Variants in RHCE observed in about 807,000 individuals in gnomAD.
RHCE encodes Rh blood group CcEe antigens.
A neutral mutation model predicts 43.8 loss-of-function variants in RHCE; 22 were observed. That is an observed-to-expected ratio of 0.50 (90% CI 0.36 to 0.72). The LOEUF (loss-of-function observed/expected upper bound fraction) is 0.72, where lower values mean the gene tolerates loss of function less well. Ranked by LOEUF, RHCE falls within the 30% of genes least tolerant of loss-of-function variation. The pLI, the probability that RHCE is intolerant of heterozygous loss-of-function variation, is 0.00. For synonymous variants in RHCE, 156 were observed against 210.7 expected (o/e 0.74, Z 2.25); for missense variants, 385 against 525.4 (o/e 0.73, Z 2.61).
chr1:25,415,109 C>G (rs1328527110), intron 1 of RHCE, among the ~76,000 whole-genome samples: 1 of 152,116 alleles, frequency 6.6e-6, no homozygotes, highest in Non-Finnish European at 1.5e-5. Context: ...CCTCTCTATG[C>G]CAAATCATAC....
intron 1 of RHCE, among the ~76,000 whole-genome samples, chr1:25,418,652 T>A (rs2042670663): frequency 1.3e-5 from 2 of 152,204 alleles, no homozygotes; most frequent in South Asian, 4.1e-4. Flanking sequence ...AAGCCCAAGC[T>A]CAGTCTGCTC....
intron 7 of RHCE, among the ~76,000 whole-genome samples, chr1:25,385,317 C>G (rs1646119353): frequency 6.6e-6 from 1 of 152,204 alleles, no homozygotes. Flanking sequence ...TACAAGGGGG[C>G]GACTGAGGCT....
chr1:25,392,169 A>G (rs756120130), intron 3 of RHCE, 28 bp from the exon 4 acceptor site: 8 of 1,613,998 alleles, frequency 5.0e-6, no homozygotes, highest in Non-Finnish European at 6.8e-6. Context: ...AAGAGCAGTG[A>G]GTGTCGGCAT....
At chr1:25,377,594 C>A (rs1183565498) in intron 7 of RHCE, among the ~76,000 whole-genome samples, 1 of 151,582 alleles carries the variant, frequency 6.6e-6, no homozygotes, top group Non-Finnish European at 1.5e-5. Flanking sequence ...CAAAAGACAC[C>A]ATTAAGAAAG....
upstream of RHCE, among the ~76,000 whole-genome samples, chr1:25,422,000 G>C (rs1371631310): frequency 3.9e-5 from 6 of 152,144 alleles, no homozygotes; most frequent in East Asian, 5.8e-4. Flanking sequence ...CCTGTCACTA[G>C]AGGAATGCAG....
chr1:25,414,835 G>T (rs939065300), intron 1 of RHCE, among the ~76,000 whole-genome samples: 3 of 152,144 alleles, frequency 2.0e-5, no homozygotes, highest in Admixed American at 2.0e-4. Context: ...GAATGACCCT[G>T]GGTGAAACTA....
chr1:25,402,746 A>G lies in RHCE; in HGVS notation c.336T>C (p.Ser112=). ...PPGKVVITLF[S]IRLATMSAMS... ...TAGCACTCATGGTGGCCAGCCGAAT[A>G]CTGGGGGTGAGAAGGAGAGCCAGGA... Residue 112 remains serine (S), a splice_region_variant and synonymous_variant, in exon 3 of 10, where the codon AGT becomes AGC. Transcript: ENST00000294413. The G allele has an allele frequency of 6.2e-7, 1 of 1,614,206 alleles. No individual in the cohort carries two copies. Among genetic ancestry groups the G allele is most frequent in the Non-Finnish European group, 8.5e-7 (1 of 1,180,030 alleles).
chr1:25,411,303 C>G, intron 1 of RHCE: 1 of 1,549,476 alleles, frequency 6.5e-7, no homozygotes, highest in Admixed American at 2.0e-5. Context: ...GGCTGTTCAT[C>G]AACATCATCA....
At chr1:25,386,241 A>C (rs983043373) in intron 6 of RHCE, among the ~76,000 whole-genome samples, 1 of 152,212 alleles carries the variant, frequency 6.6e-6, no homozygotes, top group African/African-American at 2.4e-5. Context: ...ACGAGCTGCC[A>C]GTAGCAGCCC....
At chr1:25,428,584 C>A (rs1434405126) in intron 2 of RHCE, among the ~76,000 whole-genome samples, 1 of 152,228 alleles carries the variant, frequency 6.6e-6, no homozygotes, top group East Asian at 1.9e-4. Context: ...CTGCTAACAG[C>A]AGTTACTTTC....
At chr1:25,397,005 G>A (rs1646563391) in intron 3 of RHCE, among the ~76,000 whole-genome samples, 2 of 149,694 alleles carry the variant, frequency 1.3e-5, no homozygotes, top group African/African-American at 2.5e-5. Flanking sequence ...CCAGCTACTC[G>A]GGAGGGTGAG....
At chr1:25,374,566 G>A (rs1443337497) in intron 8 of RHCE, among the ~76,000 whole-genome samples, 3 of 144,724 alleles carry the variant, frequency 2.1e-5, no homozygotes, top group African/African-American at 7.8e-5. Context: ...CTCAACCCCT[G>A]CTGCTCCTTC....
intron 8 of RHCE, among the ~76,000 whole-genome samples, chr1:25,371,611 G>A (rs1287807170): frequency 1.3e-5 from 2 of 151,432 alleles, no homozygotes; most frequent in Non-Finnish European, 2.9e-5. Flanking sequence ...GAGCTCAAGT[G>A]ATCTGCCCGC....
At chr1:25,399,997 T>C (rs1571889107) in intron 3 of RHCE, among the ~76,000 whole-genome samples, 1 of 152,256 alleles carries the variant, frequency 6.6e-6, no homozygotes, top group East Asian at 1.9e-4. Flanking sequence ...AAATGTTGTA[T>C]AATAATAATA....
chr1:25,419,970 G>C (rs1440963190), intron 1 of RHCE, among the ~76,000 whole-genome samples: 2 of 146,580 alleles, frequency 1.4e-5, no homozygotes, highest in Admixed American at 6.8e-5. Flanking sequence ...TTGTGTCCAG[G>C]AGTTTGAGAC....
chr1:25,407,236 A>AAT (rs1188035471), intron 2 of RHCE, among the ~76,000 whole-genome samples: 1 of 123,242 alleles, frequency 8.1e-6, no homozygotes, highest in Non-Finnish European at 1.9e-5. Context: ...AAACCTTTTA[A>AAT]AAAAGAAAAA....
intron 8 of RHCE, among the ~76,000 whole-genome samples, chr1:25,371,931 A>G (rs1160961517): frequency 2.0e-5 from 3 of 148,842 alleles, no homozygotes; most frequent in Non-Finnish European, 2.9e-5. Flanking sequence ...CATGCAGGGT[A>G]CAACCAGCAT....
chr1:25,385,742 C>G lies in RHCE; in HGVS notation c.1042G>C (p.Val348Leu). The G allele has an allele frequency of 6.2e-7, 1 of 1,613,888 alleles. No homozygotes were observed. The highest frequency in any genetic ancestry group is 8.5e-7 in the Non-Finnish European group (1 of 1,179,998). The change falls in exon 7 of 10, where the codon GTG becomes CTG. Residue 348 changes from valine to leucine, a missense_variant. By Grantham distance (32) the Val-to-Leu change is conservative. Around this residue, in one of 6 missense-constraint regions of RHCE, gnomAD observed 82 missense variants for 69.2 expected, o/e 1.18. Transcript: ENST00000294413. ...TTGCCGTTCCAGACAGTATGAAGCA[C>G]CAGCAGCACAATGTAGGTGATCTCT... ...LGEITYIVLL[V>L]LHTVWNGNGM...
chr1:25,385,169 A>G (rs922445820), intron 7 of RHCE, among the ~76,000 whole-genome samples: 4 of 152,072 alleles, frequency 2.6e-5, no homozygotes, highest in East Asian at 1.9e-4. Context: ...TTCCCACCTC[A>G]CAGTGAGACC....
Sources: allele counts gnomAD v4.1 joint callset (sites outside exome capture counted in the v4.1 genomes callset), GRCh38; gene constraint gnomAD v4.1.1; regional missense constraint gnomAD v4.1.1; transcripts MANE v1.5; gene names NCBI Gene and HGNC (gene_info 2026-07-23, HGNC 2026-07-21).